ARL3: variants seen among roughly 807,000 people sequenced by gnomAD.
ARL3 encodes ADP-ribosylation factor-like protein 3.
ARL3 carries 9 observed loss-of-function variants against 26.0 expected under a neutral mutation model. The observed-to-expected ratio is 0.35, with a 90% CI of 0.21 to 0.60. ARL3 has a LOEUF of 0.60. ARL3 is among the 20% of genes least tolerant of loss of function. The pLI is 0.78. For missense variants in ARL3, 158 were observed against 215.7 expected, an observed-to-expected ratio of 0.73 and a Z score of 1.67; for synonymous variants, 71 against 78.4, an observed-to-expected ratio of 0.91 and a Z score of 0.50.
rs199765944 is a variant in ARL3, at chr10:102,687,688, GA to G, written c.316-1688del. Reference sequence around the variant, plus strand: ...GGGTGACAGAGTGAGATTCTGCCTGGAAAAAAAAAATTTTTTTTTGTAGAGA... The same window carrying G: ...GGGTGACAGAGTGAGATTCTGCCTGGAAAAAAAAATTTTTTTTTGTAGAGA... On this transcript the variant is annotated intron_variant, in intron 4 of 5. Transcript: ENST00000260746. 7.3e-5 allele frequency among the ~76,000 whole-genome samples: 11 copies of G among 150,552 alleles called. 1 individual carries two copies. The South Asian group carries it at 1.3e-3, about 17-fold the overall frequency.
intron 3 of ARL3, 61 bp from the exon 4 acceptor site, chr10:102,690,004 C>T: frequency 9.0e-7 from 1 of 1,109,054 alleles, no homozygotes; most frequent in Middle Eastern, 2.2e-4. Context: ...AGGGCAATTT[C>T]TGCAAAAGGA....
At chr10:102,708,908 A>ATATATATATATATATATATATATAT in intron 1 of ARL3, among the ~76,000 whole-genome samples, 1 of 95,328 alleles carries the variant, frequency 1.0e-5, no homozygotes, top group Admixed American at 1.2e-4. Context: ...ATATATATAT[A>ATATATATATATATATATATATATAT]TTTTTTTTTT....
chr10:102,692,269 T>C (rs1475901016), intron 3 of ARL3, among the ~76,000 whole-genome samples: 1 of 152,244 alleles, frequency 6.6e-6, no homozygotes, highest in Non-Finnish European at 1.5e-5. Context: ...AATGTCTTTA[T>C]ATACTTCTCT....
chr10:102,685,249 CA>C (rs66482677), intron 5 of ARL3, among the ~76,000 whole-genome samples: 2 of 105,446 alleles, frequency 1.9e-5, no homozygotes, highest in African/African-American at 4.2e-5. Context: ...AACTCCGTCT[CA>C]AAAAAAAAAA....
intron 5 of ARL3, among the ~76,000 whole-genome samples, chr10:102,681,792 A>G (rs1277578120): frequency 6.6e-6 from 1 of 152,182 alleles, no homozygotes; most frequent in Non-Finnish European, 1.5e-5. Context: ...TTGAGAGGAA[A>G]TTCAAAGCCA....
intron 1 of ARL3, among the ~76,000 whole-genome samples, chr10:102,711,363 T>A (rs975805822): frequency 6.6e-6 from 1 of 151,164 alleles, no homozygotes; most frequent in Non-Finnish European, 1.5e-5. Flanking sequence ...TGTATGTATA[T>A]GTATCTGTAT....
chr10:102,678,495 G>C (rs1396844114), intron 5 of ARL3, among the ~76,000 whole-genome samples: 4 of 151,938 alleles, frequency 2.6e-5, no homozygotes, highest in Non-Finnish European at 5.9e-5. Context: ...ATCTTCTCTC[G>C]CCTGGGAAGC....
intron 1 of ARL3, 110 bp from the exon 2 acceptor site, chr10:102,705,599 T>A: frequency 8.7e-7 from 1 of 1,148,236 alleles, no homozygotes; most frequent in Non-Finnish European, 1.2e-6. Flanking sequence ...GGAGAGCTTA[T>A]GTTATTATTT....
chr10:102,678,212 G>A (rs983883822), intron 5 of ARL3, among the ~76,000 whole-genome samples: 2 of 151,916 alleles, frequency 1.3e-5, no homozygotes, highest in African/African-American at 4.8e-5. Flanking sequence ...CCGAAAGCCC[G>A]AAGGTGGACA....
rs1431579111 is a variant in ARL3 at position 102,699,608 on chromosome 10, G to C, written c.148-119C>G. The C allele has an allele frequency of 5.1e-5, 31 of 602,100 alleles. No individual in the cohort carries two copies. In the East Asian group the frequency reaches 8.2e-4, roughly 16 times the overall value. The allele number at this position is 602,100 out of a possible 1,614,324, so 37.3% of individuals were successfully genotyped here. On this transcript the variant is annotated intron_variant, in intron 2 of 5. Transcript: ENST00000260746. ...AAAGTACTCTGCCATATGTGATACTGGTAATGCTGAAAATGATTTGTTGTG... is the reference window on the plus strand; with the variant it reads ...AAAGTACTCTGCCATATGTGATACTCGTAATGCTGAAAATGATTTGTTGTG...
intron 4 of ARL3, among the ~76,000 whole-genome samples, chr10:102,686,730 G>A (rs148711718): frequency 0.012 from 1,830 of 152,044 alleles, 33 homozygotes; most frequent in African/African-American, 0.041. Flanking sequence ...CTCCCAAAGT[G>A]CTGGGATTAC....
chr10:102,686,367 C>T (rs901848719), intron 4 of ARL3, among the ~76,000 whole-genome samples: 6 of 134,166 alleles, frequency 4.5e-5, no homozygotes, highest in South Asian at 2.6e-4. Flanking sequence ...CTACCATGCC[C>T]GGACAACCAT....
At chr10:102,689,849 CATATAT>C (rs368682404) in intron 4 of ARL3, 38 bp downstream of exon 4, 12 of 1,222,860 alleles carry the variant, frequency 9.8e-6, no homozygotes, top group Non-Finnish European at 1.4e-5. Context: ...AAAGTACATA[CATATAT>C]ATATATAAGA....
At chr10:102,688,736 C>A (rs2064200902) in intron 4 of ARL3, among the ~76,000 whole-genome samples, 1 of 152,124 alleles carries the variant, frequency 6.6e-6, no homozygotes, top group Non-Finnish European at 1.5e-5. Context: ...CTCCTGACTG[C>A]AAGTGATCTG....
chr10:102,706,772 A>G (rs574391320), intron 1 of ARL3, among the ~76,000 whole-genome samples: 31 of 152,106 alleles, frequency 2.0e-4, no homozygotes, highest in Admixed American at 1.8e-3. Context: ...CCTGGGTTCA[A>G]GCAATTCTTG....
intron 3 of ARL3, among the ~76,000 whole-genome samples, chr10:102,695,148 G>A (rs2064240029): frequency 6.6e-6 from 1 of 152,180 alleles, no homozygotes; most frequent in Non-Finnish European, 1.5e-5. Context: ...ATTAGAATCA[G>A]TTTGTCAATA....
At chr10:102,684,021 G>T (rs960059932) in intron 5 of ARL3, among the ~76,000 whole-genome samples, 2 of 152,114 alleles carry the variant, frequency 1.3e-5, no homozygotes, top group Non-Finnish European at 2.9e-5. Context: ...CAACACTCTG[G>T]TCAAGCAAAA....
chr10:102,712,896 T>C (rs1254172876), intron 1 of ARL3, among the ~76,000 whole-genome samples: 1 of 151,982 alleles, frequency 6.6e-6, no homozygotes, highest in Non-Finnish European at 1.5e-5. Context: ...TAGCCTGAGG[T>C]TAAAAAAAAA....
At chr10:102,692,030 A>T (rs2064220813) in intron 3 of ARL3, among the ~76,000 whole-genome samples, 1 of 152,222 alleles carries the variant, frequency 6.6e-6, no homozygotes, top group Admixed American at 6.5e-5. Flanking sequence ...GTCGAGTACA[A>T]GGATGCAGCT....
Sources: allele counts gnomAD v4.1 joint callset (sites outside exome capture counted in the v4.1 genomes callset), GRCh38; gene constraint gnomAD v4.1.1; transcripts MANE v1.5; gene names NCBI Gene and HGNC (gene_info 2026-07-23, HGNC 2026-07-21).